HPSE: variants seen among roughly 807,000 people sequenced by gnomAD.
The protein encoded by HPSE is endo-glucoronidase.
A neutral mutation model predicts 65.1 loss-of-function variants in HPSE; 48 were observed. The observed-to-expected ratio is 0.74, with a 90% CI of 0.58 to 0.94. The LOEUF (loss-of-function observed/expected upper bound fraction) is 0.94, where lower values mean the gene tolerates loss of function less well. Among genes scored for constraint, HPSE ranks in the 40% least tolerant of loss-of-function variants. The pLI, the probability that HPSE is intolerant of heterozygous loss-of-function variation, is 0.00. For missense variants in HPSE, 644 were observed against 637.5 expected, an observed-to-expected ratio of 1.01 and a Z score of -0.11; for synonymous variants, 243 against 260.0, an observed-to-expected ratio of 0.93 and a Z score of 0.63.
intron 1 of HPSE, among the ~76,000 whole-genome samples, chr4:83,331,354 T>C (rs1737363950): frequency 6.6e-6 from 1 of 152,222 alleles, no homozygotes; most frequent in Admixed American, 6.5e-5. Context: ...ATTTTGGATC[T>C]ATTGAACTAA....
At chr4:83,307,839 A>C (rs1429136297) in intron 8 of HPSE, among the ~76,000 whole-genome samples, 2 of 152,230 alleles carry the variant, frequency 1.3e-5, no homozygotes, top group Non-Finnish European at 2.9e-5. Flanking sequence ...AAAAGAAAAA[A>C]AATCTCAATG....
At chr4:83,302,947 C>T (rs965673726) in intron 9 of HPSE, among the ~76,000 whole-genome samples, 7 of 151,988 alleles carry the variant, frequency 4.6e-5, no homozygotes, top group Non-Finnish European at 1.0e-4. Context: ...TGCACTCCAG[C>T]CTGGGAAACG....
In HPSE at chr4:83,295,182, G is replaced by A. The variant is rs1735675756; in HGVS notation, c.*162C>T. The A allele has an allele frequency of 4.2e-6, 2 of 474,388 alleles. No individual in the cohort carries two copies. Among genetic ancestry groups the A allele is most frequent in the Non-Finnish European group, 3.7e-6 (1 of 266,694 alleles). 29.4% of individuals were successfully genotyped at this position (474,388 alleles called of 1,614,324 possible). The stretch of plus-strand genomic sequence containing the variant: ...TATTATTAGCAGTGTTCTACCTAGC[G>A]AGATCAAAATACTGTGCTAAATCTA... On this transcript the variant is annotated 3_prime_UTR_variant, in exon 12 of 12. Coordinates refer to ENST00000311412, the MANE Select transcript of HPSE (RefSeq NM_001098540.3).
upstream of HPSE, chr4:83,334,932 C>G: frequency 7.9e-7 from 1 of 1,257,972 alleles, no homozygotes; most frequent in Non-Finnish European, 1.1e-6. Context: ...CCCTCCATCC[C>G]TCCCACTCCT....
chr4:83,334,505 T>G (rs1437516731), intron 1 of HPSE, 51 bp downstream of exon 1: 2 of 1,506,186 alleles, frequency 1.3e-6, no homozygotes, highest in Non-Finnish European at 1.8e-6. Context: ...GGGGCAGACA[T>G]AGGTGTCAGG....
Position 83,302,144 on chromosome 4 carries a change from A to G in HPSE, c.1325+6T>C, listed in dbSNP as rs779204034. 5.0e-6 allele frequency: 8 copies of G among 1,584,286 alleles called. No homozygotes were observed. In the South Asian group the frequency reaches 6.6e-5, roughly 13 times the overall value. On this transcript the variant is annotated splice_donor_region_variant and intron_variant, in intron 10 of 11. Coordinates refer to ENST00000311412, the MANE Select transcript of HPSE (RefSeq NM_001098540.3). ...ATGATTGGTAAAGGGTGTGTTTCAT[A>G]CTTACTTGTCAGTGTTTGTGCAATG...
At chr4:83,328,325 T>C (rs1737230293) in intron 1 of HPSE, among the ~76,000 whole-genome samples, 1 of 152,146 alleles carries the variant, frequency 6.6e-6, no homozygotes, top group African/African-American at 2.4e-5. Flanking sequence ...ACTCCATAAC[T>C]CCTGTCATCA....
At chr4:83,334,402 G>A (rs1737527260) in intron 1 of HPSE, among the ~76,000 whole-genome samples, 154 bp downstream of exon 1, 1 of 152,124 alleles carries the variant, frequency 6.6e-6, no homozygotes, top group Non-Finnish European at 1.5e-5. Flanking sequence ...GGAGGGAGAG[G>A]GAGAATGAGA....
intron 9 of HPSE, among the ~76,000 whole-genome samples, chr4:83,304,762 T>C (rs916505572): frequency 2.0e-5 from 3 of 152,204 alleles, no homozygotes; most frequent in Non-Finnish European, 2.9e-5. Flanking sequence ...GACAAATGGC[T>C]TTTGTTTCTC....
chr4:83,295,771 C>T (rs1372125156), intron 11 of HPSE, among the ~76,000 whole-genome samples: 1 of 152,080 alleles, frequency 6.6e-6, no homozygotes, highest in Admixed American at 6.5e-5. Context: ...GAAAATGGAA[C>T]ACACACAATC....
At chr4:83,307,116 A>C (rs1463832714) in intron 8 of HPSE, among the ~76,000 whole-genome samples, 1 of 152,204 alleles carries the variant, frequency 6.6e-6, no homozygotes, top group Non-Finnish European at 1.5e-5. Flanking sequence ...ATTATCCTTA[A>C]AAGCTCTGAT....
At chr4:83,321,901 C>G (rs1736907548) in intron 2 of HPSE, among the ~76,000 whole-genome samples, 1 of 151,788 alleles carries the variant, frequency 6.6e-6, no homozygotes, top group Non-Finnish European at 1.5e-5. Flanking sequence ...CCCACTTGCT[C>G]CCTCCAAGCA....
chr4:83,322,785 T>A, intron 1 of HPSE, among the ~76,000 whole-genome samples: 1 of 78,878 alleles, frequency 1.3e-5, no homozygotes, highest in South Asian at 5.0e-4. Context: ...TGGCAAGAGC[T>A]TGTTTGTGTG....
chr4:83,302,918 T>C (rs1169371341), intron 9 of HPSE, among the ~76,000 whole-genome samples: 1 of 152,148 alleles, frequency 6.6e-6, no homozygotes. Flanking sequence ...AAGGCTGCAG[T>C]GAGCCGTGAT....
At chr4:83,314,512 C>T (rs1736551884) in intron 3 of HPSE, among the ~76,000 whole-genome samples, 1 of 152,084 alleles carries the variant, frequency 6.6e-6, no homozygotes, top group Non-Finnish European at 1.5e-5. Context: ...GTGGCCTAGG[C>T]ATGCTTTAAA....
chr4:83,301,259 A>C (rs1735937534), intron 10 of HPSE, among the ~76,000 whole-genome samples, 153 bp from the exon 11 acceptor site: 1 of 152,162 alleles, frequency 6.6e-6, no homozygotes, highest in Non-Finnish European at 1.5e-5. Context: ...GGGCCCTCTT[A>C]GTATCCTTCT....
chr4:83,321,934 A>C (rs1736908426), intron 2 of HPSE, among the ~76,000 whole-genome samples: 2 of 145,820 alleles, frequency 1.4e-5, no homozygotes. Flanking sequence ...AGCTACAATC[A>C]CTGTTTTATT....
At chr4:83,299,371 A>G (rs1238557043) in intron 11 of HPSE, among the ~76,000 whole-genome samples, 1 of 147,132 alleles carries the variant, frequency 6.8e-6, no homozygotes, top group Non-Finnish European at 1.5e-5. Context: ...CTCAAAAAAA[A>G]AAAAAAAAAA....
rs1166697604 is a variant in HPSE, at chr4:83,292,787, T to C, written c.*2557A>G. On this transcript the variant is annotated 3_prime_UTR_variant, in exon 12 of 12. Coordinates refer to ENST00000311412, the MANE Select transcript of HPSE (RefSeq NM_001098540.3). ...AAAACCAAATACTGCATGTTCTCACTTATAAGTGGAAGCTTAGCTGTAGGT... is the reference window on the plus strand; with the variant it reads ...AAAACCAAATACTGCATGTTCTCACCTATAAGTGGAAGCTTAGCTGTAGGT... 1.3e-5 allele frequency: 2 copies of C among 152,234 alleles called. No individual in the cohort carries two copies. Among genetic ancestry groups the C allele is most frequent in the African/African-American group, 4.8e-5 (2 of 41,454 alleles). 9.4% of individuals were successfully genotyped at this position (152,234 alleles called of 1,614,324 possible).
Sources: allele counts gnomAD v4.1 joint callset (sites outside exome capture counted in the v4.1 genomes callset), GRCh38; gene constraint gnomAD v4.1.1; transcripts MANE v1.5; gene names NCBI Gene and HGNC (gene_info 2026-07-23, HGNC 2026-07-21).